PRIM2: variants seen among roughly 807,000 people sequenced by gnomAD.
The protein encoded by PRIM2 is DNA primase subunit 2, also known as DNA primase large subunit.
In PRIM2, 39 loss-of-function variants were observed where a neutral mutation model predicts 67.3. The ratio of observed to expected loss-of-function variants is 0.58; its 90% CI spans 0.45 to 0.76. The LOEUF is 0.76. PRIM2 is among the 30% of genes least tolerant of loss of function. The probability of loss-of-function intolerance (pLI) is 0.00; values close to 1 mark genes in which losing one functional copy is unlikely to be tolerated. For synonymous variants in PRIM2, 143 were observed against 198.7 expected (o/e 0.72, Z 2.36); for missense variants, 398 against 598.7 (o/e 0.66, Z 3.50).
Position 57,606,568 on chromosome 6 carries a change from C to T in PRIM2, c.1230+111C>T, listed in dbSNP as rs1416256824. 3 of 666,272 alleles carry T rather than the reference C, an allele frequency of 4.5e-6. No homozygotes were observed. The Admixed American group carries it at 7.3e-5, about 16-fold the overall frequency. 41.3% of individuals were successfully genotyped at this position (666,272 alleles called of 1,614,324 possible). On this transcript the variant is annotated intron_variant, in intron 12 of 13. Transcript: ENST00000615550. ...TGTGTACTACTTGTCAGGCCTCACACCAGACATCTTATCTTCAAGATGAAT... is the reference window on the plus strand; with the variant it reads ...TGTGTACTACTTGTCAGGCCTCACATCAGACATCTTATCTTCAAGATGAAT...
At chr6:57,616,772 C>A (rs1330485930) in intron 12 of PRIM2, among the ~76,000 whole-genome samples, 1 of 152,134 alleles carries the variant, frequency 6.6e-6, no homozygotes, top group Admixed American at 6.5e-5. Flanking sequence ...TTTCATCACC[C>A]CCAAAGAAAA....
At chr6:57,250,455 T>C in the PRIM2 span, among the ~76,000 whole-genome samples, 74 of 152,268 alleles carry the variant, frequency 4.9e-4, no homozygotes, top group African/African-American at 1.7e-3. Flanking sequence ...TAGATATAGA[T>C]ATATAAGATT....
At chr6:57,533,871 G>A (rs1694118579) in intron 9 of PRIM2, among the ~76,000 whole-genome samples, 1 of 152,160 alleles carries the variant, frequency 6.6e-6, no homozygotes, top group Non-Finnish European at 1.5e-5. Flanking sequence ...TTACATGAGG[G>A]AGAGGGACAA....
At chr6:57,303,581 G>C in the PRIM2 span, among the ~76,000 whole-genome samples, 1 of 151,998 alleles carries the variant, frequency 6.6e-6, no homozygotes, top group African/African-American at 2.4e-5. Context: ...GGATAACCAG[G>C]GCAGCCTCAC....
intron 5 of PRIM2, among the ~76,000 whole-genome samples, chr6:57,358,111 C>T (rs1000943360): frequency 1.3e-5 from 2 of 152,192 alleles, no homozygotes; most frequent in African/African-American, 2.4e-5. Context: ...CTTAAGCACC[C>T]TAGAAACTGT....
intron 10 of PRIM2, among the ~76,000 whole-genome samples, chr6:57,573,677 C>T (rs1200959768): frequency 0.015 from 2,232 of 152,152 alleles, 59 homozygotes; most frequent in African/African-American, 0.049. Flanking sequence ...ATAATCTATT[C>T]AGGTAAAGTA....
the PRIM2 span, among the ~76,000 whole-genome samples, chr6:57,266,507 C>T: frequency 8.5e-5 from 13 of 152,138 alleles, no homozygotes; most frequent in Admixed American, 6.5e-4. Flanking sequence ...ACCAAAGTGA[C>T]GATTTGTTTA....
the PRIM2 span, among the ~76,000 whole-genome samples, chr6:57,287,886 C>T: frequency 2.0e-5 from 3 of 152,122 alleles, no homozygotes; most frequent in African/African-American, 7.2e-5. Context: ...TTCTGCATTT[C>T]CAACTGAAGT....
chr6:57,636,539 T>C (rs1268515756), intron 13 of PRIM2, among the ~76,000 whole-genome samples: 8 of 152,052 alleles, frequency 5.3e-5, no homozygotes, highest in African/African-American at 1.7e-4. Context: ...GAAAATAGAA[T>C]TCTATAAAAA....
chr6:57,490,535 A>G (rs1333849230), intron 7 of PRIM2, among the ~76,000 whole-genome samples: 1 of 152,232 alleles, frequency 6.6e-6, no homozygotes, highest in Non-Finnish European at 1.5e-5. Context: ...CGAGGGATCA[A>G]TAATTAAAAA....
the PRIM2 span, among the ~76,000 whole-genome samples, chr6:57,254,581 A>G: frequency 6.6e-6 from 1 of 152,234 alleles, no homozygotes; most frequent in East Asian, 1.9e-4. Context: ...AAAGCCCACC[A>G]GGAGTTTTGC....
intron 10 of PRIM2, among the ~76,000 whole-genome samples, chr6:57,578,554 G>A (rs2127484038): frequency 6.6e-6 from 1 of 152,194 alleles, no homozygotes; most frequent in African/African-American, 2.4e-5. Flanking sequence ...TCATTCTATG[G>A]GTTATAATCC....
At chr6:57,427,569 C>T (rs1488459323) in intron 7 of PRIM2, among the ~76,000 whole-genome samples, 6 of 152,280 alleles carry the variant, frequency 3.9e-5, no homozygotes, top group African/African-American at 9.6e-5. Context: ...CCACCTACCT[C>T]GGCCTCCCAA....
At chr6:57,376,172 TG>T (rs1480611262) in intron 5 of PRIM2, among the ~76,000 whole-genome samples, 3 of 152,208 alleles carry the variant, frequency 2.0e-5, no homozygotes, top group African/African-American at 7.2e-5. Flanking sequence ...CATTCCAGCC[TG>T]GGTGAACAAA....
intron 7 of PRIM2, among the ~76,000 whole-genome samples, chr6:57,482,753 G>T (rs2127406260): frequency 6.6e-6 from 1 of 152,280 alleles, no homozygotes; most frequent in South Asian, 2.1e-4. Flanking sequence ...ACAGCATCAA[G>T]AGACAGGAGA....
intron 8 of PRIM2, among the ~76,000 whole-genome samples, chr6:57,517,214 T>G: frequency 6.6e-6 from 1 of 152,326 alleles, no homozygotes; most frequent in East Asian, 1.9e-4. Flanking sequence ...CTTTAAAACA[T>G]TGATCGCTCT....
chr6:57,252,682 C>A, the PRIM2 span, among the ~76,000 whole-genome samples: 4 of 152,206 alleles, frequency 2.6e-5, no homozygotes, highest in East Asian at 7.7e-4. Flanking sequence ...CTCAGGTGGG[C>A]TGCCTGCCTC....
chr6:57,432,830 G>C (rs1771879286), intron 7 of PRIM2, among the ~76,000 whole-genome samples: 1 of 152,192 alleles, frequency 6.6e-6, no homozygotes, highest in Non-Finnish European at 1.5e-5. Context: ...AAATTTTGCT[G>C]TAGTTAAGCT....
the PRIM2 span, among the ~76,000 whole-genome samples, chr6:57,285,843 T>C: frequency 6.6e-6 from 1 of 152,240 alleles, no homozygotes; most frequent in Admixed American, 6.5e-5. Flanking sequence ...GACATGATTG[T>C]ATATTTAGAA....
Sources: allele counts gnomAD v4.1 joint callset (sites outside exome capture counted in the v4.1 genomes callset), GRCh38; gene constraint gnomAD v4.1.1; transcripts MANE v1.5; gene names NCBI Gene and HGNC (gene_info 2026-07-23, HGNC 2026-07-21).